The following ARHGAP42 variants were observed in gnomAD, a reference collection of about 807,000 sequenced individuals.
ARHGAP42 encodes the protein Rho GTPase activating protein 42.
Under a neutral mutation model 125.0 loss-of-function variants are expected in ARHGAP42, and 63 were observed. That is an observed-to-expected ratio of 0.50 (90% CI 0.41 to 0.62). The LOEUF (loss-of-function observed/expected upper bound fraction) is 0.62. ARHGAP42 is among the 20% of genes least tolerant of loss of function. ARHGAP42 has a pLI of 0.00. For synonymous variants in ARHGAP42, 339 were observed against 351.0 expected (o/e 0.97, Z 0.38); for missense variants, 766 against 1,024.2 (o/e 0.75, Z 3.44).
chr11:100,766,925 G>T (rs1268544742), intron 1 of ARHGAP42, among the ~76,000 whole-genome samples: 1 of 152,144 alleles, frequency 6.6e-6, no homozygotes, highest in Non-Finnish European at 1.5e-5. Context: ...TATGCTTCCA[G>T]AAGGACTGTG....
chr11:100,702,482 A>C (rs1214860516), intron 1 of ARHGAP42, among the ~76,000 whole-genome samples: 1 of 152,102 alleles, frequency 6.6e-6, no homozygotes. Flanking sequence ...AAAATGTGAC[A>C]GAGACAGGAA....
intron 4 of ARHGAP42, among the ~76,000 whole-genome samples, chr11:100,907,127 A>G (rs1565269909): frequency 6.6e-6 from 1 of 152,228 alleles, no homozygotes; most frequent in African/African-American, 2.4e-5. Context: ...CTGTGTCTCC[A>G]CATGCTCTTA....
intron 3 of ARHGAP42, among the ~76,000 whole-genome samples, chr11:100,822,582 G>T (rs542687394): frequency 6.6e-6 from 1 of 152,276 alleles, no homozygotes. Context: ...TGGTGGGGAT[G>T]ATTGAATTAT....
Position 100,770,457 on chromosome 11 carries a change from G to T in ARHGAP42, c.250+19G>T. The T allele has an allele frequency of 6.8e-7, 1 of 1,479,560 alleles. No homozygotes were observed. Among genetic ancestry groups the T allele is most frequent in the Non-Finnish European group, 9.2e-7 (1 of 1,087,798 alleles). The allele number at this position is 1,479,560 out of a possible 1,614,324, so 91.7% of individuals were successfully genotyped here. A position where few individuals can be genotyped will look rare whatever the true frequency, so the allele number is the denominator to read the frequency against. ...AGTATTGGTAAGTACTACTGTTTTA[G>T]AAAGTTCTATTACTAATATTTATTT... On this transcript the variant is annotated intron_variant, in intron 2 of 23. Transcript: ENST00000298815.
chr11:100,692,532 G>C (rs936601417), intron 1 of ARHGAP42, among the ~76,000 whole-genome samples: 3 of 152,140 alleles, frequency 2.0e-5, no homozygotes, highest in African/African-American at 7.2e-5. Flanking sequence ...CAGTTCTTGA[G>C]AATCTTCTTG....
chr11:100,789,692 A>G (rs1210274482), intron 2 of ARHGAP42, among the ~76,000 whole-genome samples: 1 of 152,198 alleles, frequency 6.6e-6, no homozygotes, highest in Non-Finnish European at 1.5e-5. Flanking sequence ...CTGCTGAGTC[A>G]TGCTGCACTG....
intron 3 of ARHGAP42, among the ~76,000 whole-genome samples, chr11:100,844,658 GGA>G (rs1663654320): frequency 6.6e-6 from 1 of 151,930 alleles, no homozygotes; most frequent in Admixed American, 6.6e-5. Flanking sequence ...AATTCTAAAA[GGA>G]GATAGACAAG....
At chr11:100,802,147 A>G (rs1427574168) in intron 3 of ARHGAP42, among the ~76,000 whole-genome samples, 1 of 152,214 alleles carries the variant, frequency 6.6e-6, no homozygotes, top group Non-Finnish European at 1.5e-5. Flanking sequence ...CATAGAAACC[A>G]GTCTTTTTCT....
intron 12 of ARHGAP42, among the ~76,000 whole-genome samples, chr11:100,951,361 A>T (rs1357900944): frequency 6.6e-6 from 1 of 152,174 alleles, no homozygotes; most frequent in African/African-American, 2.4e-5. Context: ...AGATACATTA[A>T]CCAAATGGTG....
chr11:100,807,729 C>T (rs1261151694), intron 3 of ARHGAP42, among the ~76,000 whole-genome samples: 6 of 152,192 alleles, frequency 3.9e-5, no homozygotes, highest in Non-Finnish European at 8.8e-5. Context: ...TTCCTCGCAT[C>T]TCTAGTTCTT....
At chr11:100,726,071 T>A in intron 1 of ARHGAP42, among the ~76,000 whole-genome samples, 1 of 138,260 alleles carries the variant, frequency 7.2e-6, no homozygotes, top group African/African-American at 2.8e-5. Context: ...GAGAAAGACC[T>A]TGTCTCTCTA....
At position 100,974,574 on chromosome 11, in the gene ARHGAP42, GGT is replaced by G; in HGVS notation, c.1827_1828del (p.Thr611SerfsTer7). ...ACAGGGTCTAGGAAGCCCAGAGGGA[GGT>G]ATACTCCATGCCTGGCCGAACCTGA... On this transcript the variant is annotated frameshift_variant, in exon 19 of 24. Coordinates refer to ENST00000298815, the MANE Select transcript of ARHGAP42 (RefSeq NM_152432.4). LOFTEE classifies it high-confidence loss of function. 1 of 1,550,990 alleles carries G rather than the reference GGT, an allele frequency of 6.4e-7. No individual in the cohort carries two copies. Among genetic ancestry groups the G allele is most frequent in the Non-Finnish European group, 8.7e-7 (1 of 1,146,554 alleles).
chr11:100,909,834 G>A (rs991654279), intron 4 of ARHGAP42, among the ~76,000 whole-genome samples: 1 of 152,144 alleles, frequency 6.6e-6, no homozygotes, highest in Non-Finnish European at 1.5e-5. Flanking sequence ...AGATCAGTTG[G>A]TTGTAAGAGT....
At chr11:100,913,276 T>C (rs943860476) in intron 4 of ARHGAP42, among the ~76,000 whole-genome samples, 176 bp from the exon 5 acceptor site, 2 of 152,224 alleles carry the variant, frequency 1.3e-5, no homozygotes, top group Non-Finnish European at 2.9e-5. Context: ...GAGTACATAC[T>C]GAAATGGCTT....
At chr11:100,768,130 A>G (rs1862875058) in intron 1 of ARHGAP42, among the ~76,000 whole-genome samples, 1 of 152,178 alleles carries the variant, frequency 6.6e-6, no homozygotes, top group African/African-American at 2.4e-5. Flanking sequence ...ATTCTGTTAA[A>G]TAAAAAATAT....
At chr11:100,975,343 T>A (rs965427557) in intron 19 of ARHGAP42, among the ~76,000 whole-genome samples, 1 of 152,204 alleles carries the variant, frequency 6.6e-6, no homozygotes, top group African/African-American at 2.4e-5. Context: ...TATGCATACC[T>A]ATTATGTACC....
chr11:100,850,958 A>T (rs1145429), intron 3 of ARHGAP42, among the ~76,000 whole-genome samples: 124,160 of 149,004 alleles, frequency 0.83, 52,046 homozygotes, highest in East Asian at 0.96. Flanking sequence ...CTCAGCTCAC[A>T]GCAACCTCCG....
In ARHGAP42 at chr11:100,980,559, C is replaced by CTTT. The variant is rs763302463; in HGVS notation, c.2456+1538_2456+1540dup. Among the ~76,000 whole-genome samples, 330 of 51,926 alleles carry CTTT rather than the reference C, an allele frequency of 6.4e-3. 8 individuals carry two copies. The highest frequency in any genetic ancestry group is 9.4e-3 in the East Asian group (11 of 1,166). 34.1% of individuals were successfully genotyped at this position (51,926 alleles called of 152,430 possible). On this transcript the variant is annotated intron_variant, in intron 22 of 23. Coordinates refer to ENST00000298815, the MANE Select transcript of ARHGAP42 (RefSeq NM_152432.4). ...TCAAATCATACTTCTTTTTCTTCTT[C>CTTT]TTTTTTTTTTTTTTTTTTTTTTTTT...
chr11:100,923,435 T>G (rs1200300057), intron 6 of ARHGAP42, among the ~76,000 whole-genome samples: 1 of 152,180 alleles, frequency 6.6e-6, no homozygotes, highest in Non-Finnish European at 1.5e-5. Context: ...CCTTTATTCC[T>G]CTTGGAAGAT....
Sources: gnomAD v4.1 joint callset for allele counts (sites outside exome capture counted in the v4.1 genomes callset) on GRCh38, gnomAD v4.1.1 for gene constraint, MANE v1.5 for transcripts, NCBI Gene and HGNC (gene_info 2026-07-23, HGNC 2026-07-21) for gene names.